Variants in KCNJ4 observed in about 807,000 individuals in gnomAD.
KCNJ4 encodes inward rectifier potassium channel 4.
KCNJ4 carries 3 observed loss-of-function variants against 25.6 expected under a neutral mutation model. The ratio of observed to expected loss-of-function variants is 0.12; its 90% CI spans 0.05 to 0.30. KCNJ4 has a LOEUF of 0.30. Ranked by LOEUF, KCNJ4 falls within the 10% of genes least tolerant of loss-of-function variation. The pLI, the probability that KCNJ4 is intolerant of heterozygous loss-of-function variation, is 1.00. For synonymous variants in KCNJ4, 257 were observed against 283.9 expected, an observed-to-expected ratio of 0.91 and a Z score of 0.95; for missense variants, 286 against 666.8, an observed-to-expected ratio of 0.43 and a Z score of 6.29.
chr22:38,429,987 G>A (rs2093044781), intron 1 of KCNJ4, among the ~76,000 whole-genome samples: 1 of 152,210 alleles, frequency 6.6e-6, no homozygotes, highest in Non-Finnish European at 1.5e-5. Flanking sequence ...CAGCCTCAGA[G>A]CCTGCCTCTT....
intron 1 of KCNJ4, among the ~76,000 whole-genome samples, chr22:38,454,686 A>G (rs2089429270): frequency 6.6e-6 from 1 of 151,988 alleles, no homozygotes; most frequent in African/African-American, 2.4e-5. Flanking sequence ...GAGGCAGGGA[A>G]AGGTCATGGC....
chr22:38,431,100 G>A (rs1345640199), intron 1 of KCNJ4, among the ~76,000 whole-genome samples: 2 of 152,210 alleles, frequency 1.3e-5, no homozygotes, highest in Admixed American at 6.5e-5. Context: ...GGCCTTCAAC[G>A]GGTGAGGTCA....
rs750299467 is a variant in KCNJ4 at position 38,427,144 on chromosome 22, T to A, written c.989A>T (p.Lys330Met). The A allele has an allele frequency of 2.5e-6, 4 of 1,613,086 alleles. No homozygotes were observed. The highest frequency in any genetic ancestry group is 3.4e-6 in the Non-Finnish European group (4 of 1,179,986). Residue 330 changes from lysine (K) to methionine (M), a missense_variant, in exon 2 of 2, where the codon AAG becomes ATG. Transcript: ENST00000303592. ...PVVFEEKSHY[K>M]VDYSRFHKTY... is the part of the protein sequence containing the mutation. Reference sequence around the variant, plus strand: ...CTTGTGAAAACGTGAGTAGTCCACCTTGTAGTGGCTCTTCTCCTCGAAGAC... The same window carrying A: ...CTTGTGAAAACGTGAGTAGTCCACCATGTAGTGGCTCTTCTCCTCGAAGAC...
chr22:38,430,696 C>T (rs552364567), intron 1 of KCNJ4, among the ~76,000 whole-genome samples: 1 of 152,210 alleles, frequency 6.6e-6, no homozygotes, highest in Non-Finnish European at 1.5e-5. Context: ...GCCAGGCACA[C>T]CTTCTGCTCT....
intron 1 of KCNJ4, among the ~76,000 whole-genome samples, chr22:38,454,328 G>A (rs2145951999): frequency 1.3e-5 from 2 of 152,226 alleles, no homozygotes; most frequent in Middle Eastern, 6.8e-3. Context: ...CTGGTGGGGG[G>A]ACATTTGGCA....
intron 1 of KCNJ4, among the ~76,000 whole-genome samples, chr22:38,440,571 T>C (rs7290937): frequency 6.6e-6 from 1 of 152,162 alleles, no homozygotes; most frequent in Admixed American, 6.5e-5. Context: ...AAATAAAAGA[T>C]AAACATTCCC....
At position 38,443,166 on chromosome 22, in the gene KCNJ4, C is replaced by T. The variant is rs980209754; in HGVS notation, c.-40+11814G>A. Among the ~76,000 whole-genome samples the T allele has an allele frequency of 1.3e-5, 2 of 152,128 alleles. No individual in the cohort carries two copies. Among genetic ancestry groups the T allele is most frequent in the Admixed American group, 6.6e-5 (1 of 15,264 alleles). On this transcript the variant is annotated intron_variant, in intron 1 of 1. Transcript: ENST00000303592. This position sits in a 1 kb window ranked among gnomAD's most constrained non-coding sequence, Gnocchi z 4.1. ...CTGATGGAGGCTCTGGACTGGCCCT[C>T]GTTTTCCTCCTTGAGTCCTCCAGGC...
chr22:38,429,067 G>A (rs2093041244), intron 1 of KCNJ4, among the ~76,000 whole-genome samples: 1 of 135,360 alleles, frequency 7.4e-6, no homozygotes, highest in South Asian at 2.4e-4. Context: ...CTGGGTCACA[G>A]AGCAAGACCC....
Position 38,435,697 on chromosome 22 carries a change from A to G in KCNJ4, c.-39-7526T>C, listed in dbSNP as rs1297285106. On this transcript the variant is annotated intron_variant, in intron 1 of 1. Transcript: ENST00000303592. Reference sequence around the variant, plus strand: ...AACAGAGCGAGACTCTGTCTCGGGAAAAAAAAAAAAAAAGAAATAGACAGA... The same window carrying G: ...AACAGAGCGAGACTCTGTCTCGGGAGAAAAAAAAAAAAAGAAATAGACAGA... 2.1e-5 allele frequency among the ~76,000 whole-genome samples: 3 copies of G among 142,154 alleles called. No homozygotes were observed. In the East Asian group the frequency reaches 6.0e-4, roughly 28 times the overall value. The allele number at this position is 142,154 out of a possible 152,430, so 93.3% of individuals were successfully genotyped here. A position where few individuals can be genotyped will look rare whatever the true frequency, so the allele number is the denominator to read the frequency against.
At chr22:38,452,251 A>T (rs747853587) in intron 1 of KCNJ4, among the ~76,000 whole-genome samples, 11 of 152,202 alleles carry the variant, frequency 7.2e-5, no homozygotes, top group Non-Finnish European at 1.5e-4. Flanking sequence ...TGGACTCCAC[A>T]TGAGGCAAGG....
At chr22:38,429,944 C>T (rs562135864) in intron 1 of KCNJ4, among the ~76,000 whole-genome samples, 3 of 152,326 alleles carry the variant, frequency 2.0e-5, no homozygotes, top group South Asian at 2.1e-4. Context: ...CCGCAGCAAC[C>T]GGTACGCGCC....
At chr22:38,433,834 C>A (rs1178028789) in intron 1 of KCNJ4, among the ~76,000 whole-genome samples, 1 of 152,200 alleles carries the variant, frequency 6.6e-6, no homozygotes, top group East Asian at 1.9e-4. Flanking sequence ...GGAGACTCTG[C>A]CTCCTGGGGG....
At chr22:38,438,132 G>T (rs1295344642) in intron 1 of KCNJ4, among the ~76,000 whole-genome samples, 2 of 151,558 alleles carry the variant, frequency 1.3e-5, no homozygotes, top group Admixed American at 1.3e-4. Context: ...CCAGCTACTA[G>T]GGAGGCTGAG....
At chr22:38,445,074 CGTGT>C (rs766171651) in intron 1 of KCNJ4, among the ~76,000 whole-genome samples, 11 of 151,392 alleles carry the variant, frequency 7.3e-5, no homozygotes, top group Non-Finnish European at 1.3e-4. Context: ...CGTGTGTGTG[CGTGT>C]GTGTGTGTGA....
At chr22:38,440,697 G>C (rs2089326000) in intron 1 of KCNJ4, among the ~76,000 whole-genome samples, 1 of 152,226 alleles carries the variant, frequency 6.6e-6, no homozygotes, top group Non-Finnish European at 1.5e-5. Flanking sequence ...AGAAGACCAT[G>C]ATGGTAGCTT....
At chr22:38,446,773 T>C (rs1459978046) in intron 1 of KCNJ4, among the ~76,000 whole-genome samples, 2 of 151,870 alleles carry the variant, frequency 1.3e-5, no homozygotes, top group Non-Finnish European at 2.9e-5. Context: ...CTGGCCAACA[T>C]AGTGAAACCC....
In KCNJ4 at chr22:38,443,758, A is replaced by G. The variant is rs1025392859; in HGVS notation, c.-40+11222T>C. 1.3e-5 allele frequency among the ~76,000 whole-genome samples: 2 copies of G among 151,894 alleles called. No individual in the cohort carries two copies. Among genetic ancestry groups the G allele is most frequent in the African/African-American group, 4.8e-5 (2 of 41,364 alleles). On this transcript the variant is annotated intron_variant, in intron 1 of 1. Transcript: ENST00000303592. The surrounding 1 kb of genome is among the most constrained non-coding windows in gnomAD (Gnocchi z 4.1). The stretch of plus-strand genomic sequence containing the variant: ...ATCCACCCCAAAGAGCCACATCACT[A>G]TTGCAGCCCACAGTCTCTGCCCACC...
intron 1 of KCNJ4, among the ~76,000 whole-genome samples, chr22:38,445,693 C>T (rs1238254395): frequency 6.6e-6 from 1 of 152,166 alleles, no homozygotes; most frequent in Admixed American, 6.5e-5. Context: ...TTTACCCTCA[C>T]TACATGCATA....
intron 1 of KCNJ4, among the ~76,000 whole-genome samples, chr22:38,433,404 T>C (rs2093056034): frequency 6.6e-6 from 1 of 151,556 alleles, no homozygotes; most frequent in Admixed American, 6.6e-5. Context: ...CGAGATCGTG[T>C]CATTGCACTC....
Sources: gnomAD v4.1 joint callset for allele counts (sites outside exome capture counted in the v4.1 genomes callset) on GRCh38, gnomAD v4.1.1 for gene constraint, Gnocchi (gnomAD v3.1) non-coding constraint, MANE v1.5 for transcripts, NCBI Gene and HGNC (gene_info 2026-07-23, HGNC 2026-07-21) for gene names.